Variants in PGAP6 observed in about 807,000 individuals in gnomAD.
PGAP6 encodes post-GPI attachment to proteins factor 6.
PGAP6 carries 62 observed loss-of-function variants against 68.4 expected under a neutral mutation model. The observed-to-expected ratio is 0.91, with a 90% CI of 0.74 to 1.12. PGAP6 has a LOEUF of 1.12. PGAP6 is among the 50% of genes most tolerant of loss of function. The probability of loss-of-function intolerance (pLI) is 0.00; values close to 1 mark genes in which losing one functional copy is unlikely to be tolerated. For synonymous variants in PGAP6, 575 were observed against 474.0 expected, an observed-to-expected ratio of 1.21 and a Z score of -2.77; for missense variants, 1,188 against 1,068.5, an observed-to-expected ratio of 1.11 and a Z score of -1.56.
In PGAP6 at chr16:372,147, T is replaced by G. The variant is rs756917669; in HGVS notation, c.2156A>C (p.Tyr719Ser). 1 of 1,612,604 alleles carries G rather than the reference T, an allele frequency of 6.2e-7. No individual in the cohort carries two copies. The highest frequency in any genetic ancestry group is 1.7e-5 in the Admixed American group (1 of 59,984). The change falls in exon 13 of 13, where the codon TAC (tyrosine) becomes TCC (serine). Residue 719 changes from tyrosine (Y) to serine (S), a missense_variant. Tyr to Ser is a moderately radical substitution (Grantham distance 144, BLOSUM62 -2). Coordinates refer to ENST00000431232, the MANE Select transcript of PGAP6 (RefSeq NM_021259.3). ...GATGTGCCAGATGCTGTGGGTGTAG[T>G]AGTAGTTGTCGCTAGTCATCATGGA... ...YTSMMTSDNY[Y>S]YTHSIWHILL...
intron 8 of PGAP6, 34 bp downstream of exon 8, chr16:375,099 G>T: frequency 1.2e-6 from 2 of 1,609,048 alleles, no homozygotes; most frequent in South Asian, 1.1e-5. Flanking sequence ...ATGACAGGGT[G>T]CCTGGCCCCC....
chr16:375,057 C>A, intron 8 of PGAP6, 76 bp downstream of exon 8: 1 of 1,588,504 alleles, frequency 6.3e-7, no homozygotes, highest in Admixed American at 1.7e-5. Context: ...GAACGCCAAC[C>A]TCAGGCAGCC....
chr16:376,819 C>A lies in PGAP6; in HGVS notation c.636-7G>T. ...GTAATCGGGGACAAAGACCCTGCAG[C>A]GAGGGGACACAGCTGGCTCAGGCTC... On this transcript the variant is annotated splice_region_variant and splice_polypyrimidine_tract_variant and intron_variant, in intron 4 of 12. Coordinates refer to ENST00000431232, the MANE Select transcript of PGAP6 (RefSeq NM_021259.3). 6.2e-7 allele frequency: 1 copy of A among 1,602,762 alleles called. No individual in the cohort carries two copies.
Position 377,672 on chromosome 16 carries a change from C to T in PGAP6, c.298G>A (p.Val100Met), listed in dbSNP as rs548358622. 88 of 1,580,588 alleles carry T rather than the reference C, an allele frequency of 5.6e-5. No individual in the cohort carries two copies. In the East Asian group the frequency reaches 6.3e-4, roughly 11 times the overall value. Reference sequence around the variant, plus strand: ...GCAGGCGGGCGGGCAGCCACCTACACGGTGATCTCCGCGTCGGTGCAGGCA... The same window carrying T: ...GCAGGCGGGCGGGCAGCCACCTACATGGTGATCTCCGCGTCGGTGCAGGCA... ...GAACTDAEIT[V>M]HFRSGAPPVI... The change falls in exon 2 of 13, where the codon GTG becomes ATG. Residue 100 changes from valine (V) to methionine (M), a missense_variant and splice_region_variant. Transcript: ENST00000431232.
chr16:377,387 G>A lies in PGAP6; in HGVS notation c.498C>T (p.Ile166=), dbSNP rs773149207. The change falls in exon 3 of 13, where the codon ATC becomes ATT. Residue 166 remains isoleucine (I), a synonymous_variant. Transcript: ENST00000431232. ...AAHLPPSSQK[I]ELKGLAPTCA... is the part of the protein sequence containing the mutation. ...GGGCAGCCCCCCTCACCTTCAACTC[G>A]ATCTTCTGGGATGAGGGGGGCAGGT... 11 of 1,595,228 alleles carry A rather than the reference G, an allele frequency of 6.9e-6. No homozygotes were observed. The highest frequency in any genetic ancestry group is 8.5e-6 in the Non-Finnish European group (10 of 1,169,716).
rs753202018 is a variant in PGAP6, at chr16:376,692, G to C, written c.756C>G (p.Phe252Leu). 3 of 1,611,616 alleles carry C rather than the reference G, an allele frequency of 1.9e-6. No individual in the cohort carries two copies. Among genetic ancestry groups the C allele is most frequent in the Non-Finnish European group, 2.5e-6 (3 of 1,179,724 alleles). ...TVGPVTLPSN[F>L]QKVLTCTGAP... ...CACCGGTGCAGGTGAGCACCTTCTG[G>C]AAGTTGCTAGGCAGGGTGACCGGGC... is the stretch of plus-strand genomic sequence containing the variant. Residue 252 changes from phenylalanine (F) to leucine (L), a missense_variant, in exon 5 of 13, where the codon TTC (phenylalanine) becomes TTG (leucine). Coordinates refer to ENST00000431232, the MANE Select transcript of PGAP6 (RefSeq NM_021259.3).
rs574869361 is a variant in PGAP6, at chr16:378,877, G to A, written c.122-1029C>T. 3.9e-5 allele frequency among the ~76,000 whole-genome samples: 6 copies of A among 152,348 alleles called. No homozygotes were observed. In the South Asian group the frequency reaches 1.2e-3, roughly 32 times the overall value. ...GGGCAAGGCTCCTAACTGTCCTCAG[G>A]GAACGCACCCACGCCTGGTGCGGGG... is the stretch of plus-strand genomic sequence containing the variant. On this transcript the variant is annotated intron_variant, in intron 1 of 12. Coordinates refer to ENST00000431232, the MANE Select transcript of PGAP6 (RefSeq NM_021259.3).
rs1275836904 is a variant in PGAP6 at position 376,380 on chromosome 16, C to A, written c.980G>T (p.Gly327Val). ...SQNQSFNASS[G>V]LLSPSPDHQD... is the part of the protein sequence containing the mutation. Reference sequence around the variant, plus strand: ...GTGGTCGGGGCTCGGGGACAGCAGACCAGAGGAGGCATTGAAGCTCTGGTT... The same window carrying A: ...GTGGTCGGGGCTCGGGGACAGCAGAACAGAGGAGGCATTGAAGCTCTGGTT... The change falls in exon 6 of 13, where the codon GGT becomes GTT. Residue 327 changes from glycine (G) to valine (V), a missense_variant. Physicochemically the swap from Gly to Val is moderately radical, Grantham distance 109 (BLOSUM62 -3). Coordinates refer to ENST00000431232, the MANE Select transcript of PGAP6 (RefSeq NM_021259.3). The A allele has an allele frequency of 1.2e-6, 2 of 1,609,012 alleles. No individual in the cohort carries two copies. Among genetic ancestry groups the A allele is most frequent in the South Asian group, 1.1e-5 (1 of 90,914 alleles).
chr16:383,262 C>A (rs1459133703), upstream of PGAP6: 1 of 151,968 alleles, frequency 6.6e-6, no homozygotes, highest in East Asian at 1.9e-4. Context: ...TCACCTAACA[C>A]ATTGGCAAAT....
At position 372,242 on chromosome 16, in the gene PGAP6, C is replaced by T. The variant is rs377161853; in HGVS notation, c.2061G>A (p.Ser687=). 22 of 1,611,930 alleles carry T rather than the reference C, an allele frequency of 1.4e-5. No homozygotes were observed. The highest frequency in any genetic ancestry group is 3.3e-4 in the Middle Eastern group (2 of 6,036). The change falls in exon 13 of 13, where the codon TCG becomes TCA. Residue 687 remains serine (S), a synonymous_variant. Transcript: ENST00000431232. ...GGAGGTAGAAGGCCCAGCGCTGCCA[C>T]GAGGTGGGGTAGCACTGGCGCCGGT... ...CGHRRQCYPT[S]WQRWAFYLLP...
At position 377,401 on chromosome 16, in the gene PGAP6, A is replaced by AG. The variant is rs777809748; in HGVS notation, c.483dup (p.Ser162LeufsTer21). ...ACCTTCAACTCGATCTTCTGGGATG[A>AG]GGGGGGCAGGTGGGCGGCCACGAAC... On this transcript the variant is annotated frameshift_variant, in exon 3 of 13. Coordinates refer to ENST00000431232, the MANE Select transcript of PGAP6 (RefSeq NM_021259.3). LOFTEE classifies it high-confidence loss of function. 5 of 1,602,576 alleles carry AG rather than the reference A, an allele frequency of 3.1e-6. No homozygotes were observed. Among genetic ancestry groups the AG allele is most frequent in the Non-Finnish European group, 4.3e-6 (5 of 1,174,330 alleles).
At chr16:378,017 C>G (rs371091963) in intron 1 of PGAP6, among the ~76,000 whole-genome samples, 169 bp from the exon 2 acceptor site, 1 of 152,094 alleles carries the variant, frequency 6.6e-6, no homozygotes, top group African/African-American at 2.4e-5. Context: ...TCTGGCCCCT[C>G]AGCCAGATCC....
rs779100578 is a variant in PGAP6 at position 372,026 on chromosome 16, G to C, written c.2277C>G (p.Ile759Met). The stretch of plus-strand genomic sequence containing the variant: ...ACAGTTCCTCCCGATCGTTCTTGCA[G>C]ATCTGATAGTGGCAGGGGAATTTCT... The part of the protein sequence containing the change: ...CSQKFPCHYQ[I>M]CKNDREELYA... The change falls in exon 13 of 13, where the codon ATC becomes ATG. Residue 759 changes from isoleucine (I) to methionine (M), a missense_variant. By Grantham distance (10) the Ile-to-Met change is conservative. Coordinates refer to ENST00000431232, the MANE Select transcript of PGAP6 (RefSeq NM_021259.3). The C allele has an allele frequency of 3.7e-6, 6 of 1,612,886 alleles. No individual in the cohort carries two copies. The highest frequency in any genetic ancestry group is 4.2e-6 in the Non-Finnish European group (5 of 1,179,926).
chr16:380,346 G>A (rs1354851872), intron 1 of PGAP6, among the ~76,000 whole-genome samples: 2 of 151,850 alleles, frequency 1.3e-5, no homozygotes, highest in East Asian at 1.9e-4. Context: ...ACCACACCCA[G>A]GTTATTTTTT....
In PGAP6 at chr16:376,405, T is replaced by C; in HGVS notation, c.955A>G (p.Asn319Asp). ...TIQPLLQSSQ[N>D]QSFNASSGLL... ...CCAGAGGAGGCATTGAAGCTCTGGT[T>C]TTGGCTGCTCTGCAGAAGGGGCTGG... The change falls in exon 6 of 13, where the codon AAC becomes GAC. Residue 319 changes from asparagine to aspartate, a missense_variant. Coordinates refer to ENST00000431232, the MANE Select transcript of PGAP6 (RefSeq NM_021259.3). 1.2e-6 allele frequency: 2 copies of C among 1,601,182 alleles called. No homozygotes were observed. Among genetic ancestry groups the C allele is most frequent in the Non-Finnish European group, 1.7e-6 (2 of 1,172,648 alleles).
At chr16:373,116 C>G (rs1273377731) in intron 11 of PGAP6, among the ~76,000 whole-genome samples, 1 of 152,190 alleles carries the variant, frequency 6.6e-6, no homozygotes, top group Non-Finnish European at 1.5e-5. Context: ...TCCCACCCCC[C>G]AGTCTCCATC....
upstream of PGAP6, among the ~76,000 whole-genome samples, chr16:383,817 C>G (rs2054464347): frequency 6.7e-6 from 1 of 150,236 alleles, no homozygotes; most frequent in Non-Finnish European, 1.5e-5. Flanking sequence ...CTGTTTGTAC[C>G]TTTTGAACGC....
chr16:382,369 C>G (rs942876383), upstream of PGAP6: 1 of 382,376 alleles, frequency 2.6e-6, no homozygotes, highest in African/African-American at 2.1e-5. Flanking sequence ...CGCCTGGGAC[C>G]GAGAGGAACC....
At chr16:382,029 G>C, upstream of PGAP6, 3 of 806,268 alleles carry the variant, frequency 3.7e-6, no homozygotes, top group Non-Finnish European at 4.6e-6. Flanking sequence ...CGAGGGCGGG[G>C]TCGGGGGGCG....
Sources: allele counts gnomAD v4.1 joint callset (sites outside exome capture counted in the v4.1 genomes callset), GRCh38; gene constraint gnomAD v4.1.1; transcripts MANE v1.5; gene names NCBI Gene and HGNC (gene_info 2026-07-23, HGNC 2026-07-21).